IL1RAPL1: variants seen among roughly 807,000 people sequenced by gnomAD.
IL1RAPL1 encodes interleukin 1 receptor accessory protein like 1.
In IL1RAPL1, 3 loss-of-function variants were observed where a neutral mutation model predicts 48.4. The observed-to-expected ratio is 0.06, with a 90% CI of 0.03 to 0.16. The LOEUF (loss-of-function observed/expected upper bound fraction) is 0.16, where lower values mean the gene tolerates loss of function less well. Ranked by LOEUF, IL1RAPL1 falls within the 10% of genes least tolerant of loss-of-function variation. The pLI is 1.00. For missense variants in IL1RAPL1, 349 were observed against 530.6 expected (o/e 0.66, Z 3.36); for synonymous variants, 185 against 187.7 (o/e 0.99, Z 0.12).
intron 2 of IL1RAPL1, among the ~76,000 whole-genome samples, chrX:29,079,014 T>C (rs1336322766): frequency 8.9e-6 from 1 of 112,383 alleles, no homozygotes; most frequent in Admixed American, 9.4e-5. Context: ...ACCCCATTTT[T>C]ACTTTCACAC....
intron 3 of IL1RAPL1, among the ~76,000 whole-genome samples, chrX:29,341,147 C>T (rs1195626497): frequency 1.3e-5 from 1 of 76,931 alleles, no homozygotes; most frequent in Non-Finnish European, 2.6e-5. Flanking sequence ...TTGGAGGTTG[C>T]TGACCTGTAA....
chrX:28,774,051 T>G (rs2147258225), intron 1 of IL1RAPL1, among the ~76,000 whole-genome samples: 1 of 112,106 alleles, frequency 8.9e-6, no homozygotes, highest in Non-Finnish European at 1.9e-5. Flanking sequence ...CTTTTTCTGG[T>G]TTTACGCCTA....
intron 5 of IL1RAPL1, among the ~76,000 whole-genome samples, chrX:29,593,157 C>A (rs61371732): frequency 2.7e-5 from 3 of 111,148 alleles, no homozygotes; most frequent in Non-Finnish European, 5.6e-5. Context: ...GCTTGGTTGT[C>A]GTATTAGCCT....
At chrX:28,706,347 T>C (rs188057902) in intron 1 of IL1RAPL1, among the ~76,000 whole-genome samples, 44 of 112,176 alleles carry the variant, frequency 3.9e-4, no homozygotes, top group African/African-American at 1.3e-3. Flanking sequence ...GTACATTCAA[T>C]ACTGTTCACA....
At chrX:29,644,954 A>G (rs1242297378) in intron 5 of IL1RAPL1, among the ~76,000 whole-genome samples, 1 of 113,120 alleles carries the variant, frequency 8.8e-6, no homozygotes. Flanking sequence ...GTCTTGCCCT[A>G]TGGCACCAGC....
At chrX:29,388,948 A>T (rs1933819463) in intron 3 of IL1RAPL1, among the ~76,000 whole-genome samples, 2 of 112,308 alleles carry the variant, frequency 1.8e-5, no homozygotes, top group South Asian at 7.3e-4. Context: ...AGTTAAAAAA[A>T]TGTGTGTCTA....
chrX:28,690,537 A>T (rs1032410081), intron 1 of IL1RAPL1, among the ~76,000 whole-genome samples: 2 of 111,520 alleles, frequency 1.8e-5, no homozygotes, highest in African/African-American at 3.3e-5. Context: ...GCCTATTTAC[A>T]TCTGACTTGC....
At chrX:29,895,505 C>T (rs934563144) in intron 6 of IL1RAPL1, among the ~76,000 whole-genome samples, 3 of 112,642 alleles carry the variant, frequency 2.7e-5, no homozygotes, top group African/African-American at 9.7e-5. Context: ...GATCGCACCA[C>T]TGCACCACTG....
chrX:29,627,504 C>T (rs1355613274), intron 5 of IL1RAPL1, among the ~76,000 whole-genome samples: 1 of 112,099 alleles, frequency 8.9e-6, no homozygotes, highest in Admixed American at 9.5e-5. Context: ...ATGTAATGTA[C>T]AATGTTATTT....
In IL1RAPL1 at chrX:29,449,780, C is replaced by CACAGAGAG. The variant is rs557765024; in HGVS notation, c.703+50473_703+50474insCAGAGAGA. 3.8e-3 allele frequency among the ~76,000 whole-genome samples: 220 copies of CACAGAGAG among 58,227 alleles called. 3 individuals carry two copies. Among genetic ancestry groups the CACAGAGAG allele is most frequent in the African/African-American group, 0.014 (192 of 13,410 alleles). The allele number at this position is 58,227 out of a possible 115,157, so 50.6% of individuals were successfully genotyped here. A position where few individuals can be genotyped will look rare whatever the true frequency, so the allele number is the denominator to read the frequency against. The stretch of plus-strand genomic sequence containing the variant: ...ACACACACACACACACACACACACA[C>CACAGAGAG]AGAGAGAGAGAGAGAGAGAATATAA... On this transcript the variant is annotated intron_variant, in intron 5 of 10. Transcript: ENST00000378993.
At chrX:29,131,391 T>G (rs1929019133) in intron 2 of IL1RAPL1, among the ~76,000 whole-genome samples, 1 of 110,308 alleles carries the variant, frequency 9.1e-6, no homozygotes, top group African/African-American at 3.3e-5. Context: ...TTACCTTAAC[T>G]TAGGGTACTT....
intron 2 of IL1RAPL1, among the ~76,000 whole-genome samples, chrX:28,915,606 G>C (rs936784324): frequency 1.8e-5 from 2 of 111,447 alleles, no homozygotes; most frequent in African/African-American, 6.5e-5. Flanking sequence ...TGATAGATTA[G>C]GTAGCTCAGG....
intron 1 of IL1RAPL1, among the ~76,000 whole-genome samples, chrX:28,651,481 G>T (rs543755634): frequency 1.8e-5 from 2 of 112,152 alleles, no homozygotes; most frequent in East Asian, 5.6e-4. Context: ...AGGAAAGTTT[G>T]CTAAGCCCTG....
intron 1 of IL1RAPL1, among the ~76,000 whole-genome samples, chrX:28,660,140 T>TGTGTGTGTG (rs1477990678): frequency 4.1e-4 from 35 of 85,121 alleles, no homozygotes; most frequent in East Asian, 1.4e-3. Flanking sequence ...TGTGTGTGTG[T>TGTGTGTGTG]TGGAGTTACT....
At chrX:29,725,838 G>T (rs888918221) in intron 6 of IL1RAPL1, among the ~76,000 whole-genome samples, 21 of 112,304 alleles carry the variant, frequency 1.9e-4, no homozygotes, top group African/African-American at 6.8e-4. Context: ...TCAAAGCAGA[G>T]ATTATGTCTC....
intron 2 of IL1RAPL1, among the ~76,000 whole-genome samples, chrX:29,113,876 C>T (rs905088865): frequency 1.8e-5 from 2 of 111,304 alleles, no homozygotes; most frequent in Non-Finnish European, 3.8e-5. Flanking sequence ...ATTTGCTTGT[C>T]TAACTGAAAA....
chrX:29,090,278 C>T (rs1201232566), intron 2 of IL1RAPL1, among the ~76,000 whole-genome samples: 1 of 111,527 alleles, frequency 9.0e-6, no homozygotes, highest in African/African-American at 3.3e-5. Context: ...TTTAAATTTT[C>T]CGTACGTTTC....
At chrX:29,418,449 C>A (rs1010985690) in intron 5 of IL1RAPL1, among the ~76,000 whole-genome samples, 1 of 110,552 alleles carries the variant, frequency 9.0e-6, no homozygotes, top group South Asian at 3.8e-4. Context: ...ATATTTTAAA[C>A]CTTTAAAAGC....
intron 6 of IL1RAPL1, among the ~76,000 whole-genome samples, chrX:29,712,917 A>G (rs191330876): frequency 8.9e-6 from 1 of 112,088 alleles, no homozygotes; most frequent in East Asian, 2.8e-4. Flanking sequence ...GTTGTTATAT[A>G]TGGGACCAAA....
Sources: gnomAD v4.1 joint callset for allele counts (sites outside exome capture counted in the v4.1 genomes callset) on GRCh38, gnomAD v4.1.1 for gene constraint, MANE v1.5 for transcripts, NCBI Gene and HGNC (gene_info 2026-07-23, HGNC 2026-07-21) for gene names.